PHKB: variants seen among roughly 807,000 people sequenced by gnomAD.
PHKB encodes phosphorylase b kinase regulatory subunit beta.
PHKB carries 122 observed loss-of-function variants against 152.1 expected under a neutral mutation model. The observed-to-expected ratio is 0.80, with a 90% CI of 0.69 to 0.93. The LOEUF is 0.93. Ranked by LOEUF, PHKB falls within the 40% of genes least tolerant of loss-of-function variation. PHKB has a pLI of 0.00. For synonymous variants in PHKB, 436 were observed against 464.9 expected (o/e 0.94, Z 0.80); for missense variants, 1,304 against 1,328.4 (o/e 0.98, Z 0.29).
At chr16:47,509,324 A>G (rs1430488087) in intron 4 of PHKB, among the ~76,000 whole-genome samples, 2 of 152,180 alleles carry the variant, frequency 1.3e-5, no homozygotes, top group Non-Finnish European at 2.9e-5. Context: ...CTTTATCAGT[A>G]GAGAACTTAC....
At chr16:47,512,585 A>G (rs923194227) in intron 5 of PHKB, among the ~76,000 whole-genome samples, 1 of 152,160 alleles carries the variant, frequency 6.6e-6, no homozygotes, top group African/African-American at 2.4e-5. Flanking sequence ...TCCAAAAGGT[A>G]TTTCTGAAGT....
intron 5 of PHKB, among the ~76,000 whole-genome samples, chr16:47,512,130 A>G (rs746094262): frequency 6.6e-6 from 1 of 152,188 alleles, no homozygotes; most frequent in Non-Finnish European, 1.5e-5. Context: ...GACCCATAGC[A>G]GTCTGTGGCC....
chr16:47,656,998 T>G (rs1328372442), intron 20 of PHKB, among the ~76,000 whole-genome samples: 11 of 152,214 alleles, frequency 7.2e-5, no homozygotes. Flanking sequence ...TTTTTGTTTC[T>G]ATGTCATACT....
chr16:47,513,912 A>G (rs1462828416), intron 5 of PHKB, among the ~76,000 whole-genome samples: 1 of 152,202 alleles, frequency 6.6e-6, no homozygotes, highest in East Asian at 1.9e-4. Flanking sequence ...TTTTTAGTAT[A>G]TTCAGAGTTT....
In PHKB at chr16:47,530,676, T is replaced by C. The variant is rs140413649; in HGVS notation, c.594+15075T>C. 4.0e-3 allele frequency among the ~76,000 whole-genome samples: 608 copies of C among 152,334 alleles called. 5 individuals are homozygous for C. Among genetic ancestry groups the C allele is most frequent in the African/African-American group, 0.014 (579 of 41,578 alleles). ...CAACATATGGAGAGCAATAATTTTA[T>C]CTATAGAGCAGCAATAACTAGTCAG... On this transcript the variant is annotated intron_variant, in intron 6 of 30. Coordinates refer to ENST00000323584, the MANE Select transcript of PHKB (RefSeq NM_000293.3).
At chr16:47,653,024 A>G (rs1177017823) in intron 20 of PHKB, among the ~76,000 whole-genome samples, 2 of 150,514 alleles carry the variant, frequency 1.3e-5, no homozygotes, top group Non-Finnish European at 3.0e-5. Flanking sequence ...TCCTGTGTGT[A>G]GGAGAAAGAT....
In PHKB at chr16:47,596,491, T is replaced by G. The variant is rs758039678; in HGVS notation, c.1323T>G (p.Phe441Leu). The change falls in exon 13 of 31, where the codon TTT (phenylalanine) becomes TTG (leucine). Residue 441 changes from phenylalanine to leucine, a missense_variant. Physicochemically the swap from Phe to Leu is conservative, Grantham distance 22. Coordinates refer to ENST00000323584, the MANE Select transcript of PHKB (RefSeq NM_000293.3). ...PSNCGRDGKL[F>L]LWGQALYIIA... ...ACTGTGGCCGTGATGGAAAACTGTT[T>G]CTTTGGGGACAAGCACTTTATATCA... 8.1e-6 allele frequency: 13 copies of G among 1,613,892 alleles called. No individual in the cohort carries two copies. The Admixed American group carries it at 2.0e-4, about 25-fold the overall frequency.
At position 47,563,221 on chromosome 16, in the gene PHKB, C is replaced by T. The variant is rs1340323778; in HGVS notation, c.710+15673C>T. 3.3e-5 allele frequency among the ~76,000 whole-genome samples: 5 copies of T among 150,512 alleles called. No individual in the cohort carries two copies. In the East Asian group the frequency reaches 9.7e-4, roughly 29 times the overall value. On this transcript the variant is annotated intron_variant, in intron 7 of 30. Transcript: ENST00000323584. ...CTTCCTCTCATGAATCTTGAATGTTCTTAGTGGCATCTAGAATGGCGAGTC... is the reference window on the plus strand; with the variant it reads ...CTTCCTCTCATGAATCTTGAATGTTTTTAGTGGCATCTAGAATGGCGAGTC...
At chr16:47,494,791 C>A (rs912775292) in intron 1 of PHKB, among the ~76,000 whole-genome samples, 11 of 152,164 alleles carry the variant, frequency 7.2e-5, no homozygotes, top group Non-Finnish European at 1.5e-4. Context: ...CTATTAATTG[C>A]TGTCTCCATT....
At chr16:47,609,162 A>G (rs890811353) in intron 13 of PHKB, among the ~76,000 whole-genome samples, 5 of 152,156 alleles carry the variant, frequency 3.3e-5, no homozygotes, top group African/African-American at 7.2e-5. Flanking sequence ...AAGTGATCAC[A>G]TAGTGTTTTC....
At chr16:47,574,389 C>T (rs888144113) in intron 7 of PHKB, among the ~76,000 whole-genome samples, 1 of 152,172 alleles carries the variant, frequency 6.6e-6, no homozygotes, top group African/African-American at 2.4e-5. Flanking sequence ...AGGTTGCCAC[C>T]CACAGCTTTC....
intron 7 of PHKB, chr16:47,566,634 C>T (rs1971572102): frequency 2.6e-6 from 3 of 1,133,544 alleles, no homozygotes; most frequent in Admixed American, 1.7e-5. Flanking sequence ...GGGAAGATGG[C>T]TCCAGTCGAT....
intron 7 of PHKB, chr16:47,565,037 T>C: frequency 2.5e-6 from 1 of 402,942 alleles, no homozygotes; most frequent in Non-Finnish European, 4.8e-6. Context: ...TCTCTAATGT[T>C]CCAGGGTGCA....
At chr16:47,559,673 A>G (rs1318120222) in intron 7 of PHKB, among the ~76,000 whole-genome samples, 1 of 152,202 alleles carries the variant, frequency 6.6e-6, no homozygotes, top group Non-Finnish European at 1.5e-5. Flanking sequence ...TCCAAGGCCC[A>G]GAATCCCAGG....
intron 6 of PHKB, among the ~76,000 whole-genome samples, chr16:47,526,746 C>T (rs144525529): frequency 1.3e-5 from 2 of 152,160 alleles, no homozygotes; most frequent in East Asian, 1.9e-4. Context: ...TAGCATATAG[C>T]GGAAGTGTTA....
intron 26 of PHKB, among the ~76,000 whole-genome samples, chr16:47,674,419 A>G (rs1033654045): frequency 4.6e-5 from 7 of 152,198 alleles, no homozygotes; most frequent in Non-Finnish European, 1.0e-4. Context: ...ATTGCTTTGC[A>G]CTAACCTAAT....
At chr16:47,695,233 T>C (rs1974127479) in intron 28 of PHKB, among the ~76,000 whole-genome samples, 1 of 152,174 alleles carries the variant, frequency 6.6e-6, no homozygotes. Flanking sequence ...GTATCTCTTC[T>C]GTAGTTGCAC....
Position 47,660,799 on chromosome 16 carries a change from G to T in PHKB, c.2176G>T (p.Glu726Ter). 6.2e-7 allele frequency: 1 copy of T among 1,613,934 alleles called. No individual in the cohort carries two copies. The highest frequency in any genetic ancestry group is 8.5e-7 in the Non-Finnish European group (1 of 1,179,904). Residue 726 changes from glutamate to a stop codon, truncating the protein, a stop_gained, in exon 22 of 31, where the codon GAA becomes TAA. Transcript: ENST00000323584. LOFTEE classifies it high-confidence loss of function. ...TGAATGGAAGGACAAACCCACCCACGAAATTCTTCAAAAACTGAATGTGAG... is the reference window on the plus strand; with the variant it reads ...TGAATGGAAGGACAAACCCACCCACTAAATTCTTCAAAAACTGAATGTGAG... ...ISEWKDKPTH[E>*]ILQKLNDCSC...
In PHKB at chr16:47,546,214, C is replaced by A. The variant is rs566347353; in HGVS notation, c.595-1219C>A. Among the ~76,000 whole-genome samples, 198 of 152,286 alleles carry A rather than the reference C, an allele frequency of 1.3e-3. 1 individual carries two copies. Among genetic ancestry groups the A allele is most frequent in the South Asian group, 0.013 (61 of 4,826 alleles). ...CAGCTTTTCTGCTCTGGTTTCTCCC[C>A]GTCTTTGTGGCTTTACCTACCTTTG... On this transcript the variant is annotated intron_variant, in intron 6 of 30. Coordinates refer to ENST00000323584, the MANE Select transcript of PHKB (RefSeq NM_000293.3).
Sources: allele counts gnomAD v4.1 joint callset (sites outside exome capture counted in the v4.1 genomes callset), GRCh38; gene constraint gnomAD v4.1.1; transcripts MANE v1.5; gene names NCBI Gene and HGNC (gene_info 2026-07-23, HGNC 2026-07-21).